ITGA8: variants seen among roughly 807,000 people sequenced by gnomAD.
ITGA8 encodes the protein integrin subunit alpha 8, also known as integrin alpha-8.
In ITGA8, 91 loss-of-function variants were observed where a neutral mutation model predicts 142.3. The ratio of observed to expected loss-of-function variants is 0.64; its 90% CI spans 0.54 to 0.76. The LOEUF (loss-of-function observed/expected upper bound fraction) is 0.76. Ranked by LOEUF, ITGA8 falls within the 30% of genes least tolerant of loss-of-function variation. The pLI is 0.00. For synonymous variants in ITGA8, 505 were observed against 485.2 expected (o/e 1.04, Z -0.54); for missense variants, 1,406 against 1,327.7 (o/e 1.06, Z -0.92).
chr10:15,689,314 G>A (rs1196385114), intron 2 of ITGA8, among the ~76,000 whole-genome samples: 2 of 152,186 alleles, frequency 1.3e-5, no homozygotes, highest in Non-Finnish European at 2.9e-5. Context: ...ACTAACTTAA[G>A]GAGATCGCTG....
intron 13 of ITGA8, among the ~76,000 whole-genome samples, chr10:15,630,705 T>C (rs968930297): frequency 1.3e-5 from 2 of 151,990 alleles, no homozygotes; most frequent in Admixed American, 6.5e-5. Flanking sequence ...CCGATTTACA[T>C]ATTAGTAAAT....
chr10:15,574,515 C>T (rs1038364638), intron 24 of ITGA8, among the ~76,000 whole-genome samples: 3 of 151,978 alleles, frequency 2.0e-5, no homozygotes, highest in East Asian at 3.9e-4. Context: ...CTCAGCCTTT[C>T]GAGTAGCTGG....
chr10:15,560,535 T>G (rs4750678), intron 25 of ITGA8, among the ~76,000 whole-genome samples: 59,880 of 152,058 alleles, frequency 0.39, 12,462 homozygotes, highest in African/African-American at 0.52. Context: ...ACACTATTTA[T>G]AATAGAGAAG....
At position 15,719,854 on chromosome 10, in the gene ITGA8, G is replaced by A. The variant is rs978707854; in HGVS notation, c.-83C>T. 7.2e-5 allele frequency: 75 copies of A among 1,044,504 alleles called. No homozygotes were observed. The highest frequency in any genetic ancestry group is 8.0e-5 in the Non-Finnish European group (64 of 801,976). 64.7% of individuals were successfully genotyped at this position (1,044,504 alleles called of 1,614,324 possible). A position where few individuals can be genotyped will look rare whatever the true frequency, so the allele number is the denominator to read the frequency against. On this transcript the variant is annotated 5_prime_UTR_variant, in exon 1 of 30. Transcript: ENST00000378076. Reference sequence around the variant, plus strand: ...GGGCAAGGGGGGCTGGTGGAATCTGGCGGTCCCCAGCTGCCCGTGTCCCGG... The same window carrying A: ...GGGCAAGGGGGGCTGGTGGAATCTGACGGTCCCCAGCTGCCCGTGTCCCGG...
In ITGA8 at chr10:15,548,558, T is replaced by A. The variant is rs747834425; in HGVS notation, c.2777A>T (p.Asn926Ile). Residue 926 changes from asparagine to isoleucine, a missense_variant, in exon 27 of 30, where the codon AAT (asparagine) becomes ATT (isoleucine). Coordinates refer to ENST00000378076, the MANE Select transcript of ITGA8 (RefSeq NM_003638.3). ...ACAGGAGATTTGTAAACACTCGATATTTGTACAATTCTGCAAACAGCAGTG... is the reference window on the plus strand; with the variant it reads ...ACAGGAGATTTGTAAACACTCGATAATTGTACAATTCTGCAAACAGCAGTG... Reference protein sequence around the residue: ...QSPAKILNCTNIECLQISCAV... With the variant: ...QSPAKILNCTIIECLQISCAV... 6.2e-7 allele frequency: 1 copy of A among 1,610,398 alleles called. No homozygotes were observed. Among genetic ancestry groups the A allele is most frequent in the Non-Finnish European group, 8.5e-7 (1 of 1,177,870 alleles).
chr10:15,689,981 C>G (rs975156743), intron 2 of ITGA8, among the ~76,000 whole-genome samples: 2 of 152,126 alleles, frequency 1.3e-5, no homozygotes, highest in African/African-American at 4.8e-5. Flanking sequence ...GAGCTTTGGT[C>G]CCAGGGAATT....
At chr10:15,602,474 G>A (rs527647214) in intron 20 of ITGA8, among the ~76,000 whole-genome samples, 4 of 152,114 alleles carry the variant, frequency 2.6e-5, no homozygotes, top group East Asian at 1.9e-4. Flanking sequence ...AGGATGGCTC[G>A]TGCCTATAAT....
intron 13 of ITGA8, among the ~76,000 whole-genome samples, chr10:15,621,973 T>C (rs1833499005): frequency 6.6e-6 from 1 of 151,914 alleles, no homozygotes; most frequent in Non-Finnish European, 1.5e-5. Context: ...GCCTGGCCAA[T>C]GTGGTGAAAA....
At chr10:15,594,294 T>C (rs1391654669) in intron 21 of ITGA8, among the ~76,000 whole-genome samples, 2 of 151,986 alleles carry the variant, frequency 1.3e-5, no homozygotes, top group African/African-American at 4.8e-5. Context: ...TGCAATACAT[T>C]CTCTGATTCT....
intron 23 of ITGA8, among the ~76,000 whole-genome samples, chr10:15,581,451 C>T (rs897555938): frequency 6.6e-6 from 1 of 152,148 alleles, no homozygotes; most frequent in African/African-American, 2.4e-5. Context: ...GTCTCTTCTC[C>T]CTGTAATAAT....
At chr10:15,537,466 T>G (rs1419477625) in intron 27 of ITGA8, among the ~76,000 whole-genome samples, 1 of 152,206 alleles carries the variant, frequency 6.6e-6, no homozygotes, top group Non-Finnish European at 1.5e-5. Context: ...CTACAGATTC[T>G]TCTTTTCTGA....
intron 13 of ITGA8, among the ~76,000 whole-genome samples, chr10:15,635,154 G>T (rs529263612): frequency 1.3e-5 from 2 of 151,534 alleles, no homozygotes; most frequent in Non-Finnish European, 2.9e-5. Flanking sequence ...CTACAGGCAC[G>T]TGCTACCATG....
In ITGA8 at chr10:15,715,888, G is replaced by A. The variant is rs565100035; in HGVS notation, c.343+2878C>T. On this transcript the variant is annotated intron_variant, in intron 2 of 29. Coordinates refer to ENST00000378076, the MANE Select transcript of ITGA8 (RefSeq NM_003638.3). ...TAAGGACAAAGCAATTGGCACAGAT[G>A]AGGTATAGAGGGTGAGCAACCACTT... Among the ~76,000 whole-genome samples the A allele has an allele frequency of 3.3e-5, 5 of 152,346 alleles. No homozygotes were observed. The South Asian group carries it at 1.0e-3, about 32-fold the overall frequency.
intron 28 of ITGA8, among the ~76,000 whole-genome samples, chr10:15,526,321 C>G (rs913568088): frequency 6.6e-6 from 1 of 152,066 alleles, no homozygotes; most frequent in Non-Finnish European, 1.5e-5. Flanking sequence ...GGATTACAGG[C>G]ATGCGCCACC....
Position 15,556,018 on chromosome 10 carries a change from CTTTTTTTT to C in ITGA8, c.2766+2048_2766+2055del, listed in dbSNP as rs869241754. ...GTCTTCTGCCAGGGTCTCTCTCTCTCTTTTTTTTTTTTTTTTTTTTTTTTTTGAGACCA... is the reference window on the plus strand; with the variant it reads ...GTCTTCTGCCAGGGTCTCTCTCTCTCTTTTTTTTTTTTTTTTTTGAGACCA... On this transcript the variant is annotated intron_variant, in intron 26 of 29. Coordinates refer to ENST00000378076, the MANE Select transcript of ITGA8 (RefSeq NM_003638.3). Among the ~76,000 whole-genome samples the C allele has an allele frequency of 3.1e-3, 165 of 53,622 alleles. 1 individual carries two copies. The highest frequency in any genetic ancestry group is 4.5e-3 in the Non-Finnish European group (145 of 32,202). The allele number at this position is 53,622 out of a possible 152,430, so 35.2% of individuals were successfully genotyped here.
At chr10:15,644,728 C>T (rs1833946381) in intron 12 of ITGA8, among the ~76,000 whole-genome samples, 1 of 151,098 alleles carries the variant, frequency 6.6e-6, no homozygotes, top group African/African-American at 2.4e-5. Flanking sequence ...TAATGTTTTC[C>T]ATGAAAATTC....
At chr10:15,587,923 A>G (rs555251572) in intron 22 of ITGA8, among the ~76,000 whole-genome samples, 1 of 152,178 alleles carries the variant, frequency 6.6e-6, no homozygotes, top group Non-Finnish European at 1.5e-5. Flanking sequence ...TTTTGGAGGT[A>G]GCTTCCATCT....
In ITGA8 at chr10:15,719,855, C is replaced by A; in HGVS notation, c.-84G>T. ...GGCAAGGGGGGCTGGTGGAATCTGG[C>A]GGTCCCCAGCTGCCCGTGTCCCGGG... On this transcript the variant is annotated 5_prime_UTR_variant, in exon 1 of 30. Transcript: ENST00000378076. 1.9e-6 allele frequency: 2 copies of A among 1,043,062 alleles called. No homozygotes were observed. The highest frequency in any genetic ancestry group is 1.2e-6 in the Non-Finnish European group (1 of 800,912). 64.6% of individuals were successfully genotyped at this position (1,043,062 alleles called of 1,614,324 possible). A position where few individuals can be genotyped will look rare whatever the true frequency, so the allele number is the denominator to read the frequency against.
At position 15,548,373 on chromosome 10, in the gene ITGA8, G is replaced by T. The variant is rs9333229; in HGVS notation, c.2880+82C>A. 923,569 of 942,970 alleles carry T rather than the reference G, an allele frequency of 0.98. 453,235 individuals carry two copies. The highest frequency in any genetic ancestry group is 1 in the Non-Finnish European group (607,191 of 609,520). 58.4% of individuals were successfully genotyped at this position (942,970 alleles called of 1,614,324 possible). A position where few individuals can be genotyped will look rare whatever the true frequency, so the allele number is the denominator to read the frequency against. ...CTTCCACAGTGTTAAATTAGAAATC[G>T]CTATGAAAAGACTTCCCACTGAGCT... On this transcript the variant is annotated intron_variant, in intron 27 of 29. Coordinates refer to ENST00000378076, the MANE Select transcript of ITGA8 (RefSeq NM_003638.3).
Sources: allele counts gnomAD v4.1 joint callset (sites outside exome capture counted in the v4.1 genomes callset), GRCh38; gene constraint gnomAD v4.1.1; transcripts MANE v1.5; gene names NCBI Gene and HGNC (gene_info 2026-07-23, HGNC 2026-07-21).